Variants in SRPK2 observed in about 807,000 individuals in gnomAD.
The protein encoded by SRPK2 is SFRS protein kinase 2.
In SRPK2, 21 loss-of-function variants were observed where a neutral mutation model predicts 90.8. The ratio of observed to expected loss-of-function variants is 0.23; its 90% CI spans 0.16 to 0.33. The LOEUF (loss-of-function observed/expected upper bound fraction) is 0.33, where lower values mean the gene tolerates loss of function less well. SRPK2 is among the 10% of genes least tolerant of loss of function. The pLI, the probability that SRPK2 is intolerant of heterozygous loss-of-function variation, is 1.00. For missense variants in SRPK2, 620 were observed against 869.0 expected, an observed-to-expected ratio of 0.71 and a Z score of 3.60; for synonymous variants, 288 against 311.1, an observed-to-expected ratio of 0.93 and a Z score of 0.78.
At chr7:105,388,095 G>A (rs998921462) in intron 2 of SRPK2, among the ~76,000 whole-genome samples, 2 of 152,190 alleles carry the variant, frequency 1.3e-5, no homozygotes, top group African/African-American at 4.8e-5. Flanking sequence ...ACACGCCCGA[G>A]GCAAACCACT....
At chr7:105,149,536 C>A (rs1346682948) in intron 7 of SRPK2, among the ~76,000 whole-genome samples, 6 of 152,174 alleles carry the variant, frequency 3.9e-5, no homozygotes, top group Non-Finnish European at 7.4e-5. Context: ...CCTTGGTATG[C>A]TGGGCGCCAG....
chr7:105,304,168 T>C (rs1349937770), intron 2 of SRPK2: 3 of 152,222 alleles, frequency 2.0e-5, no homozygotes, highest in Admixed American at 6.5e-5. Context: ...TGTTCAAGAC[T>C]GCTGAATGTT....
intron 2 of SRPK2, among the ~76,000 whole-genome samples, chr7:105,316,971 C>T (rs568431860): frequency 6.6e-6 from 1 of 152,332 alleles, no homozygotes; most frequent in East Asian, 1.9e-4. Flanking sequence ...TGTTCCCTCT[C>T]CCACTCCTTT....
chr7:105,322,728 T>C lies in SRPK2; in HGVS notation c.71+65920A>G, dbSNP rs544851357. 6.1e-5 allele frequency among the ~76,000 whole-genome samples: 9 copies of C among 148,224 alleles called. No individual in the cohort carries two copies. The South Asian group carries it at 1.9e-3, about 32-fold the overall frequency. Reference sequence around the variant, plus strand: ...ACTTGTAAAATGGTGAATTTCATATTATGTGAATATAACCTCAATTAAAAA... The same window carrying C: ...ACTTGTAAAATGGTGAATTTCATATCATGTGAATATAACCTCAATTAAAAA... On this transcript the variant is annotated intron_variant, in intron 2 of 15. Coordinates refer to ENST00000393651, the MANE Select transcript of SRPK2 (RefSeq NM_182692.3).
At chr7:105,162,845 C>G (rs976358003) in intron 6 of SRPK2, among the ~76,000 whole-genome samples, 1 of 152,204 alleles carries the variant, frequency 6.6e-6, no homozygotes, top group Non-Finnish European at 1.5e-5. Context: ...CCCACTAGAA[C>G]GTATATTTCA....
chr7:105,129,707 T>C (rs1801733070), intron 13 of SRPK2, among the ~76,000 whole-genome samples: 1 of 152,140 alleles, frequency 6.6e-6, no homozygotes, highest in Non-Finnish European at 1.5e-5. Context: ...TTTTAATACC[T>C]GGGAACTCCG....
At chr7:105,394,516 CA>C (rs1822271205) in intron 1 of SRPK2, among the ~76,000 whole-genome samples, 1 of 152,170 alleles carries the variant, frequency 6.6e-6, no homozygotes, top group Non-Finnish European at 1.5e-5. Context: ...CGACCTTTGG[CA>C]AGTTACTTAA....
At chr7:105,158,663 G>A (rs147726150) in intron 7 of SRPK2, among the ~76,000 whole-genome samples, 5 of 152,208 alleles carry the variant, frequency 3.3e-5, no homozygotes, top group African/African-American at 7.2e-5. Flanking sequence ...TGGAGCCTGC[G>A]GGAAATACAT....
chr7:105,328,849 A>G (rs1251731627), intron 2 of SRPK2, among the ~76,000 whole-genome samples: 1 of 145,762 alleles, frequency 6.9e-6, no homozygotes, highest in Non-Finnish European at 1.5e-5. Flanking sequence ...TGGGTGACAG[A>G]GTGAGACTCT....
chr7:105,387,505 TTTTTC>T, intron 2 of SRPK2, among the ~76,000 whole-genome samples: 1 of 136,920 alleles, frequency 7.3e-6, no homozygotes, highest in African/African-American at 2.8e-5. Context: ...CTCTAATGGT[TTTTTC>T]TTTTTTTTTT....
intron 2 of SRPK2, among the ~76,000 whole-genome samples, chr7:105,327,442 G>A (rs1257709864): frequency 6.6e-6 from 1 of 152,208 alleles, no homozygotes; most frequent in Non-Finnish European, 1.5e-5. Flanking sequence ...CTTTACAGAA[G>A]AAGTTTGCTA....
chr7:105,191,854 A>T (rs1349169579), intron 3 of SRPK2, among the ~76,000 whole-genome samples: 2 of 144,552 alleles, frequency 1.4e-5, no homozygotes, highest in Non-Finnish European at 3.1e-5. Context: ...GGTTCTTTTT[A>T]TCCTTTTGTA....
At chr7:105,376,835 C>T (rs1199964575) in intron 2 of SRPK2, among the ~76,000 whole-genome samples, 1 of 86,906 alleles carries the variant, frequency 1.2e-5, no homozygotes, top group African/African-American at 4.3e-5. Flanking sequence ...ACCACGCCCG[C>T]CCCCCCACCC....
intron 2 of SRPK2, among the ~76,000 whole-genome samples, chr7:105,355,611 GT>G (rs1817692672): frequency 6.6e-6 from 1 of 152,128 alleles, no homozygotes; most frequent in South Asian, 2.1e-4. Flanking sequence ...CCATGATAAT[GT>G]CACTGTGTTC....
intron 2 of SRPK2, among the ~76,000 whole-genome samples, chr7:105,270,992 C>A (rs1167052513): frequency 6.6e-6 from 1 of 152,168 alleles, no homozygotes; most frequent in African/African-American, 2.4e-5. Flanking sequence ...CCTTCTCCTT[C>A]TTATCATCAA....
chr7:105,352,708 T>C (rs1379780309), intron 2 of SRPK2, among the ~76,000 whole-genome samples: 1 of 152,200 alleles, frequency 6.6e-6, no homozygotes, highest in Non-Finnish European at 1.5e-5. Flanking sequence ...GAGACCAGCC[T>C]GGCCAACATA....
At chr7:105,160,265 G>T in intron 7 of SRPK2, 1 of 264,632 alleles carries the variant, frequency 3.8e-6, no homozygotes, top group Non-Finnish European at 7.1e-6. Context: ...AAAAAAAAAC[G>T]ACAGGCAAAA....
chr7:105,253,680 A>T (rs1180190460), intron 2 of SRPK2, among the ~76,000 whole-genome samples: 1 of 152,210 alleles, frequency 6.6e-6, no homozygotes, highest in East Asian at 1.9e-4. Flanking sequence ...TGTCCCCCAC[A>T]AAAGTAATTC....
At chr7:105,180,900 T>C (rs1488505136) in intron 3 of SRPK2, among the ~76,000 whole-genome samples, 1 of 152,168 alleles carries the variant, frequency 6.6e-6, no homozygotes, top group East Asian at 1.9e-4. Context: ...CCTAAGAACT[T>C]CCTGAACAGC....
Sources: gnomAD v4.1 joint callset for allele counts (sites outside exome capture counted in the v4.1 genomes callset) on GRCh38, gnomAD v4.1.1 for gene constraint, MANE v1.5 for transcripts, NCBI Gene and HGNC (gene_info 2026-07-23, HGNC 2026-07-21) for gene names.